The following PPP6R3 variants were observed in gnomAD, a reference collection of about 807,000 sequenced individuals.
PPP6R3 encodes protein phosphatase 6 regulatory subunit 3.
In PPP6R3, 38 loss-of-function variants were observed where a neutral mutation model predicts 110.7. That is an observed-to-expected ratio of 0.34 (90% CI 0.26 to 0.45). PPP6R3 has a LOEUF of 0.45. PPP6R3 is among the 20% of genes least tolerant of loss of function. The pLI is 1.00. For synonymous variants in PPP6R3, 369 were observed against 373.5 expected (o/e 0.99, Z 0.14); for missense variants, 870 against 1,062.4 (o/e 0.82, Z 2.52).
chr11:68,591,860 T>A (rs182009400), intron 18 of PPP6R3, among the ~76,000 whole-genome samples, 154 bp downstream of exon 18: 33 of 152,062 alleles, frequency 2.2e-4, no homozygotes, highest in African/African-American at 7.7e-4. Context: ...TTGGCGGGAG[T>A]TGGTGCTTCC....
chr11:68,462,131 G>A (rs2098712531), intron 1 of PPP6R3, among the ~76,000 whole-genome samples: 1 of 152,132 alleles, frequency 6.6e-6, no homozygotes, highest in African/African-American at 2.4e-5. Flanking sequence ...GCTGTGCCTG[G>A]CACATACAGT....
intron 1 of PPP6R3, among the ~76,000 whole-genome samples, chr11:68,498,198 AT>A (rs1357900765): frequency 6.6e-6 from 1 of 152,150 alleles, no homozygotes; most frequent in African/African-American, 2.4e-5. Context: ...CCCAGTTGCT[AT>A]TTTACCAGCA....
chr11:68,543,819 C>A (rs144359459), intron 3 of PPP6R3, among the ~76,000 whole-genome samples: 1 of 152,236 alleles, frequency 6.6e-6, no homozygotes, highest in East Asian at 1.9e-4. Context: ...TCTGTTGTTG[C>A]TAGTGAAAAC....
chr11:68,580,886 C>T (rs73506204), intron 14 of PPP6R3, among the ~76,000 whole-genome samples: 34,009 of 147,398 alleles, frequency 0.23, 3,755 homozygotes, highest in Middle Eastern at 0.33. Context: ...ATTCTCCTGC[C>T]TCAGCCTCCT....
intron 1 of PPP6R3, among the ~76,000 whole-genome samples, chr11:68,467,785 A>AT (rs999480151): frequency 3.3e-5 from 5 of 151,978 alleles, no homozygotes; most frequent in African/African-American, 1.2e-4. Flanking sequence ...CTATTTATTT[A>AT]TTTTTTTGAG....
chr11:68,478,750 C>T lies in PPP6R3; in HGVS notation c.-158+17923C>T, dbSNP rs531984060. On this transcript the variant is annotated intron_variant, in intron 1 of 23. Transcript: ENST00000393800. Reference sequence around the variant, plus strand: ...TCAGCTTACTGCAACCTCCGCCTCCCGGGTTCAAGTGATTCTCCTGCCTCA... The same window carrying T: ...TCAGCTTACTGCAACCTCCGCCTCCTGGGTTCAAGTGATTCTCCTGCCTCA... Among the ~76,000 whole-genome samples, 34 of 148,424 alleles carry T rather than the reference C, an allele frequency of 2.3e-4. 1 individual carries two copies. The South Asian group carries it at 5.6e-3, about 25-fold the overall frequency.
At chr11:68,564,463 A>T in intron 9 of PPP6R3, 31 bp downstream of exon 9, 1 of 1,611,804 alleles carries the variant, frequency 6.2e-7, no homozygotes, top group Non-Finnish European at 8.5e-7. Flanking sequence ...ATGGCTGCCC[A>T]GCGAGTAATT....
chr11:68,603,528 T>A (rs944492206), intron 22 of PPP6R3, 36 bp downstream of exon 22: 1 of 1,612,892 alleles, frequency 6.2e-7, no homozygotes, highest in Admixed American at 1.7e-5. Context: ...TAGCTTCAGG[T>A]TATTGGGAGG....
At chr11:68,552,656 A>G (rs576368505) in intron 6 of PPP6R3, among the ~76,000 whole-genome samples, 8 of 152,274 alleles carry the variant, frequency 5.3e-5, no homozygotes, top group African/African-American at 1.9e-4. Flanking sequence ...CCCTGTGATG[A>G]CAGTGTGGCC....
At chr11:68,599,801 A>G (rs1037497293) in intron 19 of PPP6R3, among the ~76,000 whole-genome samples, 3 of 152,208 alleles carry the variant, frequency 2.0e-5, no homozygotes, top group African/African-American at 4.8e-5. Flanking sequence ...ATCTCTGTGT[A>G]GTATTTCTTT....
At chr11:68,550,343 C>T (rs1182403033) in intron 5 of PPP6R3, among the ~76,000 whole-genome samples, 1 of 152,140 alleles carries the variant, frequency 6.6e-6, no homozygotes, top group Non-Finnish European at 1.5e-5. Context: ...CCCCCGCTGC[C>T]CGCCCTAGTC....
rs2099098254 is a variant in PPP6R3, at chr11:68,509,720, G to C, written c.-157-9781G>C. Reference sequence around the variant, plus strand: ...TCCGCCCCTTGAGTAGCTGGGACTAGACATAAGCCACTGCATGTGGCTAAT... The same window carrying C: ...TCCGCCCCTTGAGTAGCTGGGACTACACATAAGCCACTGCATGTGGCTAAT... On this transcript the variant is annotated intron_variant, in intron 1 of 23. Coordinates refer to ENST00000393800, the MANE Select transcript of PPP6R3 (RefSeq NM_001164161.2). Among the ~76,000 whole-genome samples, 4 of 147,542 alleles carry C rather than the reference G, an allele frequency of 2.7e-5. No homozygotes were observed. In the South Asian group the frequency reaches 8.6e-4, roughly 32 times the overall value.
At chr11:68,509,491 C>T in intron 1 of PPP6R3, among the ~76,000 whole-genome samples, 3 of 91,808 alleles carry the variant, frequency 3.3e-5, no homozygotes, top group Non-Finnish European at 4.7e-5. Flanking sequence ...TTTTTTTTTA[C>T]CAAGTCCTGC....
At chr11:68,478,948 G>A (rs977362673) in intron 1 of PPP6R3, among the ~76,000 whole-genome samples, 5 of 152,000 alleles carry the variant, frequency 3.3e-5, no homozygotes, top group Admixed American at 6.5e-5. Flanking sequence ...GAGCCACCAT[G>A]CCCGGCCAGT....
At chr11:68,471,385 G>A (rs1407529701) in intron 1 of PPP6R3, among the ~76,000 whole-genome samples, 15 of 152,016 alleles carry the variant, frequency 9.9e-5, no homozygotes, top group Admixed American at 7.9e-4. Flanking sequence ...GAGGCTCTAC[G>A]GCAGCCTAGA....
chr11:68,580,659 G>T (rs1414755880), intron 14 of PPP6R3, among the ~76,000 whole-genome samples: 1 of 150,672 alleles, frequency 6.6e-6, no homozygotes, highest in Non-Finnish European at 1.5e-5. Context: ...GTGTTTGGAA[G>T]TGTAGATCAG....
At chr11:68,564,540 T>C (rs2099449445) in intron 9 of PPP6R3, 108 bp downstream of exon 9, 1 of 1,238,956 alleles carries the variant, frequency 8.1e-7, no homozygotes, top group Non-Finnish European at 1.1e-6. Context: ...GGTCTGCATG[T>C]ACAAAATGAG....
chr11:68,477,031 T>TAA (rs1197052533), intron 1 of PPP6R3, among the ~76,000 whole-genome samples: 15 of 143,592 alleles, frequency 1.0e-4, no homozygotes, highest in East Asian at 4.0e-4. Flanking sequence ...CCTGTTTCTT[T>TAA]AAAAAAAAAA....
chr11:68,547,582 G>T lies in PPP6R3; in HGVS notation c.415-485G>T, dbSNP rs145851228. 3.9e-5 allele frequency among the ~76,000 whole-genome samples: 6 copies of T among 152,316 alleles called. No homozygotes were observed. In the South Asian group the frequency reaches 1.2e-3, roughly 32 times the overall value. Reference sequence around the variant, plus strand: ...AGTCAAAATCAAAGGCGATGTTTGTGTAGCCAGGTGAGTTAGTTATTTTGA... The same window carrying T: ...AGTCAAAATCAAAGGCGATGTTTGTTTAGCCAGGTGAGTTAGTTATTTTGA... On this transcript the variant is annotated intron_variant, in intron 4 of 23. Transcript: ENST00000393800.
Sources: gnomAD v4.1 joint callset for allele counts (sites outside exome capture counted in the v4.1 genomes callset) on GRCh38, gnomAD v4.1.1 for gene constraint, MANE v1.5 for transcripts, NCBI Gene and HGNC (gene_info 2026-07-23, HGNC 2026-07-21) for gene names.